Variants in ZSCAN5A observed in about 807,000 individuals in gnomAD.
The protein encoded by ZSCAN5A is zinc finger and SCAN domain-containing protein 5A.
ZSCAN5A carries 12 observed loss-of-function variants against 23.7 expected under a neutral mutation model. That is an observed-to-expected ratio of 0.51 (90% confidence interval 0.32 to 0.82). The LOEUF (loss-of-function observed/expected upper bound fraction) is 0.82. ZSCAN5A is among the 40% of genes least tolerant of loss of function. ZSCAN5A has a pLI of 0.03. For synonymous variants in ZSCAN5A, 257 were observed against 239.9 expected (o/e 1.07, Z -0.66); for missense variants, 597 against 617.9 (o/e 0.97, Z 0.36).
At chr19:56,294,027 C>T (rs1006468984) in intron 2 of ZSCAN5A, among the ~76,000 whole-genome samples, 6 of 152,328 alleles carry the variant, frequency 3.9e-5, no homozygotes, top group Admixed American at 2.0e-4. Context: ...TTGCTCCTTT[C>T]GCTCCTTTTC....
intron 2 of ZSCAN5A, among the ~76,000 whole-genome samples, chr19:56,310,740 G>A (rs151174808): frequency 7.7e-4 from 118 of 152,328 alleles, no homozygotes; most frequent in African/African-American, 2.6e-3. Flanking sequence ...GGAGGAAGCC[G>A]TATCCAGCTC....
chr19:56,241,668 C>T (rs928409438), intron 2 of ZSCAN5A, among the ~76,000 whole-genome samples: 3 of 152,152 alleles, frequency 2.0e-5, no homozygotes, highest in Non-Finnish European at 4.4e-5. Context: ...CCATGTTGGA[C>T]AACGGCTCTC....
chr19:56,283,561 G>A (rs186225934), intron 2 of ZSCAN5A: 3 of 152,248 alleles, frequency 2.0e-5, no homozygotes, highest in Admixed American at 2.0e-4. Context: ...GGTGTTGCGA[G>A]CTCCATAAAT....
chr19:56,343,182 C>T, intron 2 of ZSCAN5A: 1 of 730,852 alleles, frequency 1.4e-6, no homozygotes. Context: ...TTGAAACTAA[C>T]TTCAGGTTTC....
intron 2 of ZSCAN5A, among the ~76,000 whole-genome samples, chr19:56,306,030 A>C (rs1340113638): frequency 6.6e-6 from 1 of 152,136 alleles, no homozygotes; most frequent in Non-Finnish European, 1.5e-5. Flanking sequence ...CATGCTCAGC[A>C]GACCACCTCA....
At chr19:56,233,997 G>A (rs775084489) in intron 2 of ZSCAN5A, among the ~76,000 whole-genome samples, 1 of 152,098 alleles carries the variant, frequency 6.6e-6, no homozygotes, top group Admixed American at 6.6e-5. Context: ...GATTTCTTGA[G>A]ACCAGGAATT....
intron 2 of ZSCAN5A, among the ~76,000 whole-genome samples, chr19:56,287,838 C>G (rs1186930111): frequency 6.6e-6 from 1 of 152,184 alleles, no homozygotes; most frequent in Non-Finnish European, 1.5e-5. Context: ...CCAAGTATCC[C>G]TTTGCATGGA....
At chr19:56,301,421 A>T (rs2040222342) in intron 2 of ZSCAN5A, among the ~76,000 whole-genome samples, 1 of 152,022 alleles carries the variant, frequency 6.6e-6, no homozygotes, top group Non-Finnish European at 1.5e-5. Context: ...TTAGCCTGCT[A>T]ATGCATTATA....
chr19:56,256,136 T>C (rs565054628), intron 2 of ZSCAN5A, among the ~76,000 whole-genome samples: 1 of 152,226 alleles, frequency 6.6e-6, no homozygotes, highest in South Asian at 2.1e-4. Flanking sequence ...AAAAGGATAA[T>C]GGAGAATATA....
rs143399085 is a variant in ZSCAN5A, at chr19:56,352,835, G to A, written c.-358+10400C>T. ...CACAGATGTCCAAAGTCCAGGCCTA[G>A]TCAGGAAGAGGACTCAGGGAAGCCC... On this transcript the variant is annotated intron_variant, in intron 2 of 6. Transcript: ENST00000587340. This position sits in a 1 kb window ranked among gnomAD's most constrained non-coding sequence, Gnocchi z 4.2. Among the ~76,000 whole-genome samples the A allele has an allele frequency of 7.9e-4, 120 of 152,350 alleles. No homozygotes were observed. Among genetic ancestry groups the A allele is most frequent in the African/African-American group, 2.7e-3 (113 of 41,588 alleles).
chr19:56,244,142 G>A (rs763757150), intron 2 of ZSCAN5A: 2 of 1,600,312 alleles, frequency 1.2e-6, no homozygotes, highest in Non-Finnish European at 1.7e-6. Flanking sequence ...AACTCAACTT[G>A]GAAATCATGA....
intron 2 of ZSCAN5A, among the ~76,000 whole-genome samples, chr19:56,332,645 G>A (rs368972742): frequency 1.8e-4 from 27 of 152,286 alleles, no homozygotes; most frequent in African/African-American, 6.3e-4. Context: ...AAGGCATTTA[G>A]GCCATTTATA....
intron 2 of ZSCAN5A, among the ~76,000 whole-genome samples, chr19:56,337,238 G>A (rs1435190946): frequency 6.6e-6 from 1 of 152,206 alleles, no homozygotes; most frequent in East Asian, 1.9e-4. Flanking sequence ...CACCCAGTTC[G>A]AGCTTCCCGG....
chr19:56,325,992 G>T (rs2041429086), intron 2 of ZSCAN5A, among the ~76,000 whole-genome samples: 1 of 151,826 alleles, frequency 6.6e-6, no homozygotes, highest in Admixed American at 6.6e-5. Context: ...GAGTGCAGTG[G>T]TGTGATCTCC....
At chr19:56,272,793 T>G (rs2037948727) in intron 2 of ZSCAN5A, 1 of 852,114 alleles carries the variant, frequency 1.2e-6, no homozygotes, top group Non-Finnish European at 1.4e-6. Context: ...GAGTCCTGTC[T>G]ATCCTAGGAG....
At chr19:56,317,611 T>C (rs2041330364), upstream of ZSCAN5A, 1 of 152,302 alleles carries the variant, frequency 6.6e-6, no homozygotes, top group Non-Finnish European at 1.5e-5. Flanking sequence ...ACCCATCCAC[T>C]TTCGGATCCT....
intron 2 of ZSCAN5A, among the ~76,000 whole-genome samples, chr19:56,357,104 G>C (rs1359725921): frequency 1.3e-5 from 2 of 148,370 alleles, no homozygotes; most frequent in Non-Finnish European, 3.0e-5. Context: ...AGAAGTCAGG[G>C]GGCCTTCTTC....
At chr19:56,277,478 T>C (rs1294647501) in intron 2 of ZSCAN5A, among the ~76,000 whole-genome samples, 1 of 151,978 alleles carries the variant, frequency 6.6e-6, no homozygotes, top group Non-Finnish European at 1.5e-5. Flanking sequence ...ATATGAAATA[T>C]TCAGGATAGG....
intron 2 of ZSCAN5A, chr19:56,302,102 A>G: frequency 1.6e-6 from 2 of 1,231,880 alleles, no homozygotes; most frequent in Non-Finnish European, 2.0e-6. Context: ...CTGGGTAAGA[A>G]GAAGGCAGCA....
Sources: gnomAD v4.1 joint callset for allele counts (sites outside exome capture counted in the v4.1 genomes callset) on GRCh38, gnomAD v4.1.1 for gene constraint, Gnocchi (gnomAD v3.1) non-coding constraint, MANE v1.5 for transcripts, NCBI Gene and HGNC (gene_info 2026-07-23, HGNC 2026-07-21) for gene names.